ZC3H12B: variants seen among roughly 807,000 people sequenced by gnomAD.
ZC3H12B encodes the protein probable ribonuclease ZC3H12B.
A neutral mutation model predicts 43.9 loss-of-function variants in ZC3H12B; 7 were observed. The ratio of observed to expected loss-of-function variants is 0.16; its 90% CI spans 0.09 to 0.30. ZC3H12B has a LOEUF of 0.30. Ranked by LOEUF, ZC3H12B falls within the 10% of genes least tolerant of loss-of-function variation. The probability of loss-of-function intolerance (pLI) is 1.00; values close to 1 mark genes in which losing one functional copy is unlikely to be tolerated. For synonymous variants in ZC3H12B, 222 were observed against 241.7 expected (o/e 0.92, Z 0.76); for missense variants, 475 against 670.2 (o/e 0.71, Z 3.22).
the ZC3H12B span, among the ~76,000 whole-genome samples, chrX:65,286,783 A>G: frequency 2.7e-5 from 3 of 110,352 alleles, no homozygotes; most frequent in Non-Finnish European, 5.7e-5. Flanking sequence ...GCTGCTCACA[A>G]AAAAACTGTC....
chrX:65,093,413 C>T, the ZC3H12B span, among the ~76,000 whole-genome samples: 18 of 111,807 alleles, frequency 1.6e-4, no homozygotes, highest in South Asian at 3.8e-4. Flanking sequence ...GATCCACCAA[C>T]GGTTGCACCT....
At chrX:65,164,428 C>G in the ZC3H12B span, among the ~76,000 whole-genome samples, 2 of 111,083 alleles carry the variant, frequency 1.8e-5, no homozygotes, top group Non-Finnish European at 3.8e-5. Flanking sequence ...TCTATAGGAG[C>G]AATTAGGGAG....
the ZC3H12B span, among the ~76,000 whole-genome samples, chrX:65,304,736 G>GA: frequency 9.0e-6 from 1 of 110,972 alleles, no homozygotes; most frequent in African/African-American, 3.3e-5. Flanking sequence ...ACTTTTAGAA[G>GA]AAAAAAATGG....
At chrX:65,444,919 C>G (rs1050818289) in intron 3 of ZC3H12B, among the ~76,000 whole-genome samples, 3 of 111,998 alleles carry the variant, frequency 2.7e-5, no homozygotes, top group Non-Finnish European at 5.6e-5. Context: ...TCTCCCCTGA[C>G]TGTGTATACT....
At chrX:65,161,470 T>G in the ZC3H12B span, among the ~76,000 whole-genome samples, 1 of 111,953 alleles carries the variant, frequency 8.9e-6, no homozygotes, top group Non-Finnish European at 1.9e-5. Context: ...TATATATTAA[T>G]GATAGTTAGC....
the ZC3H12B span, among the ~76,000 whole-genome samples, chrX:65,317,457 T>C: frequency 9.1e-6 from 1 of 109,983 alleles, no homozygotes; most frequent in Non-Finnish European, 1.9e-5. Flanking sequence ...CTGTGATTTG[T>C]GAGATTTTGG....
chrX:65,231,107 A>C, the ZC3H12B span, among the ~76,000 whole-genome samples: 1 of 111,350 alleles, frequency 9.0e-6, no homozygotes, highest in African/African-American at 3.3e-5. Context: ...AAATTTTACA[A>C]CTGGGCCTCC....
the ZC3H12B span, among the ~76,000 whole-genome samples, chrX:65,299,188 C>A: frequency 3.6e-5 from 4 of 112,057 alleles, no homozygotes; most frequent in African/African-American, 9.7e-5. Flanking sequence ...GATGGGTTGA[C>A]TAGTGAATTT....
At chrX:65,211,361 A>C in the ZC3H12B span, among the ~76,000 whole-genome samples, 1 of 109,243 alleles carries the variant, frequency 9.2e-6, no homozygotes, top group Admixed American at 1.0e-4. Context: ...TAACAATAAT[A>C]AAATAACATA....
the ZC3H12B span, among the ~76,000 whole-genome samples, chrX:65,196,524 A>G: frequency 9.0e-6 from 1 of 111,551 alleles, no homozygotes; most frequent in Non-Finnish European, 1.9e-5. Context: ...TCAGTTTCAC[A>G]GGCTCAATTA....
the ZC3H12B span, among the ~76,000 whole-genome samples, chrX:65,148,868 G>A: frequency 9.0e-6 from 1 of 111,692 alleles, no homozygotes; most frequent in South Asian, 3.7e-4. Flanking sequence ...ATAAGCACTG[G>A]AAAATTTTAT....
chrX:65,177,908 G>GA, the ZC3H12B span, among the ~76,000 whole-genome samples: 449 of 110,855 alleles, frequency 4.1e-3, 8 homozygotes, highest in East Asian at 0.065. Flanking sequence ...TTTCTTCACA[G>GA]AAAAAACTAA....
At chrX:65,133,016 T>C in the ZC3H12B span, among the ~76,000 whole-genome samples, 3 of 111,334 alleles carry the variant, frequency 2.7e-5, no homozygotes, top group East Asian at 8.6e-4. Flanking sequence ...AGTGGGGTCC[T>C]GTACAGATGG....
At chrX:65,172,978 T>A in the ZC3H12B span, among the ~76,000 whole-genome samples, 4 of 112,197 alleles carry the variant, frequency 3.6e-5, no homozygotes, top group Admixed American at 3.8e-4. Flanking sequence ...AATGGTAGTT[T>A]GATGGTAATA....
At chrX:65,336,061 C>A in the ZC3H12B span, among the ~76,000 whole-genome samples, 1 of 111,918 alleles carries the variant, frequency 8.9e-6, no homozygotes, top group East Asian at 2.8e-4. Flanking sequence ...CTAAGGGACC[C>A]CTCTTTCTGA....
the ZC3H12B span, among the ~76,000 whole-genome samples, chrX:65,215,549 C>T: frequency 2.7e-5 from 3 of 110,678 alleles, no homozygotes; most frequent in Admixed American, 1.9e-4. Context: ...GCAGCCTTGC[C>T]CTGTATTGGG....
the ZC3H12B span, among the ~76,000 whole-genome samples, chrX:65,206,864 G>T: frequency 9.0e-6 from 1 of 110,690 alleles, no homozygotes; most frequent in African/African-American, 3.3e-5. Context: ...GAGACAATTT[G>T]CAAAAGAAGA....
the ZC3H12B span, among the ~76,000 whole-genome samples, chrX:65,212,006 C>A: frequency 1.8e-5 from 1 of 55,748 alleles, no homozygotes; most frequent in African/African-American, 7.5e-5. Flanking sequence ...GTTATGTATA[C>A]TATATAATAT....
At chrX:65,438,849 C>A (rs1329691292) in intron 3 of ZC3H12B, among the ~76,000 whole-genome samples, 1 of 113,010 alleles carries the variant, frequency 8.8e-6, no homozygotes, top group Non-Finnish European at 1.9e-5. Context: ...ACATTATGGC[C>A]ATTATGGACA....
Sources: gnomAD v4.1 joint callset for allele counts (sites outside exome capture counted in the v4.1 genomes callset) on GRCh38, gnomAD v4.1.1 for gene constraint, MANE v1.5 for transcripts, NCBI Gene and HGNC (gene_info 2026-07-23, HGNC 2026-07-21) for gene names.